The following CEP152 variants were observed in gnomAD, a reference collection of about 807,000 sequenced individuals.
CEP152 encodes the protein centrosomal protein of 152 kDa.
In CEP152, 132 loss-of-function variants were observed where a neutral mutation model predicts 188.9. That is an observed-to-expected ratio of 0.70 (90% CI 0.61 to 0.81). CEP152 has a LOEUF of 0.81. CEP152 is among the 30% of genes least tolerant of loss of function. CEP152 has a pLI of 0.00. For missense variants in CEP152, 1,914 were observed against 1,969.8 expected (o/e 0.97, Z 0.54); for synonymous variants, 649 against 666.6 (o/e 0.97, Z 0.41).
chr15:48,755,408 A>C (rs1466651554), intron 20 of CEP152, among the ~76,000 whole-genome samples: 7 of 152,152 alleles, frequency 4.6e-5, no homozygotes, highest in African/African-American at 1.7e-4. Flanking sequence ...AACTCTTATT[A>C]TGCATATTTC....
chr15:48,752,694 G>A (rs1384997932), intron 20 of CEP152, among the ~76,000 whole-genome samples: 3 of 152,134 alleles, frequency 2.0e-5, no homozygotes, highest in Non-Finnish European at 2.9e-5. Context: ...TCTGACAGGC[G>A]ACTGGTGGGC....
chr15:48,790,115 A>G (rs1896907343), intron 8 of CEP152, among the ~76,000 whole-genome samples: 1 of 152,238 alleles, frequency 6.6e-6, no homozygotes, highest in African/African-American at 2.4e-5. Context: ...AAATTTCAAG[A>G]GAATTATTCT....
At position 48,769,007 on chromosome 15, in the gene CEP152, A is replaced by G. The variant is rs1895331359; in HGVS notation, c.1857T>C (p.Asp619=). The G allele has an allele frequency of 6.3e-7, 1 of 1,592,532 alleles. No individual in the cohort carries two copies. Among genetic ancestry groups the G allele is most frequent in the African/African-American group, 1.3e-5 (1 of 74,454 alleles). The part of the protein sequence containing the change: ...PESSTSDVVR[D]DILLLKNEIQ... ...TTTCATTTTTAAGCAGCAGAATATC[A>G]TCTCTGACAACATCAGAAGTAGAAG... The change falls in exon 14 of 27, where the codon GAT becomes GAC. Residue 619 remains aspartate (D), a synonymous_variant. Coordinates refer to ENST00000380950, the MANE Select transcript of CEP152 (RefSeq NM_001194998.2).
intron 6 of CEP152, 73 bp downstream of exon 6, chr15:48,795,937 T>A: frequency 7.5e-7 from 1 of 1,338,318 alleles, no homozygotes; most frequent in Non-Finnish European, 1.1e-6. Context: ...TTGAATGTGC[T>A]CAAATATTCA....
rs762448733 is a variant in CEP152 at position 48,767,107 on chromosome 15, A to G, written c.2233T>C (p.Leu745=). 6.2e-7 allele frequency: 1 copy of G among 1,613,534 alleles called. No homozygotes were observed. Among genetic ancestry groups the G allele is most frequent in the Non-Finnish European group, 8.5e-7 (1 of 1,179,996 alleles). ...TTTTCAGTGGTCTTCCTGAGAGTCAATTCTAGATTATCCTTCTCTCTGCAC... is the reference window on the plus strand; with the variant it reads ...TTTTCAGTGGTCTTCCTGAGAGTCAGTTCTAGATTATCCTTCTCTCTGCAC... ...EVCREKDNLE[L]TLRKTTEKEQ... Residue 745 remains leucine, a synonymous_variant, in exon 17 of 27, where the codon TTG becomes CTG. Transcript: ENST00000380950.
intron 2 of CEP152, 102 bp downstream of exon 2, chr15:48,805,461 T>G (rs1897919493): frequency 7.0e-7 from 1 of 1,423,468 alleles, no homozygotes; most frequent in African/African-American, 1.5e-5. Context: ...AAAATCCAAA[T>G]CCCTTCAAAA....
chr15:48,754,470 A>G (rs963431064), intron 20 of CEP152, among the ~76,000 whole-genome samples: 7 of 152,210 alleles, frequency 4.6e-5, no homozygotes, highest in African/African-American at 1.7e-4. Context: ...TCATCTCCAA[A>G]TCTGCTATAA....
chr15:48,747,573 G>A (rs1380257582), intron 22 of CEP152, among the ~76,000 whole-genome samples: 1 of 152,172 alleles, frequency 6.6e-6, no homozygotes, highest in Admixed American at 6.5e-5. Context: ...TGCAGATAAA[G>A]CATCTTCTGA....
At chr15:48,802,680 C>A (rs1414167860) in intron 2 of CEP152, among the ~76,000 whole-genome samples, 1 of 151,932 alleles carries the variant, frequency 6.6e-6, no homozygotes, top group African/African-American at 2.4e-5. Flanking sequence ...GGCTTGAGAT[C>A]CACTGGTCTA....
intron 19 of CEP152, among the ~76,000 whole-genome samples, chr15:48,759,234 G>T (rs1894503537): frequency 2.0e-5 from 3 of 152,100 alleles, no homozygotes; most frequent in Admixed American, 2.0e-4. Flanking sequence ...TTATGGTACA[G>T]ATCTGAAATC....
chr15:48,767,239 T>A, intron 16 of CEP152, 47 bp from the exon 17 acceptor site: 1 of 1,613,770 alleles, frequency 6.2e-7, no homozygotes, highest in South Asian at 1.1e-5. Context: ...CACAAAAAAA[T>A]ACAAGAGCTG....
intron 2 of CEP152, chr15:48,729,172 G>A (rs1892342962): frequency 6.6e-6 from 1 of 152,152 alleles, no homozygotes; most frequent in Non-Finnish European, 1.5e-5. Flanking sequence ...CAGCTTGAAG[G>A]TGAACAGCAA....
rs775484003 is a variant in CEP152 at position 48,784,110 on chromosome 15, C to G, written c.1184G>C (p.Cys395Ser). Residue 395 changes from cysteine (C) to serine (S), a missense_variant, in exon 10 of 27, where the codon TGC becomes TCC. Coordinates refer to ENST00000380950, the MANE Select transcript of CEP152 (RefSeq NM_001194998.2). ...VTALKEQEDICSRLKDHVKQL... is the reference protein window; with the variant it reads ...VTALKEQEDISSRLKDHVKQL... ...TTTCACGTGATCTTTCAGACGAGAGCAAATGTCTTCCTAAATAGAAAAAAA... is the reference window on the plus strand; with the variant it reads ...TTTCACGTGATCTTTCAGACGAGAGGAAATGTCTTCCTAAATAGAAAAAAA... 3 of 1,612,876 alleles carry G rather than the reference C, an allele frequency of 1.9e-6. No individual in the cohort carries two copies. The Admixed American group carries it at 5.0e-5, about 27-fold the overall frequency.
intron 7 of CEP152, 40 bp from the exon 8 acceptor site, chr15:48,791,416 A>G: frequency 1.3e-6 from 2 of 1,571,564 alleles, no homozygotes; most frequent in Non-Finnish European, 1.7e-6. Flanking sequence ...ATGTTCCTGT[A>G]GAGGGACCCC....
intron 2 of CEP152, among the ~76,000 whole-genome samples, chr15:48,798,496 G>A (rs901436564): frequency 2.6e-5 from 4 of 151,950 alleles, no homozygotes; most frequent in Non-Finnish European, 5.9e-5. Context: ...GCCAGGTGAT[G>A]AGAACAGCAG....
Position 48,772,086 on chromosome 15 carries a change from A to G in CEP152, c.1782+401T>C, listed in dbSNP as rs58527379. 1.2e-3 allele frequency among the ~76,000 whole-genome samples: 177 copies of G among 152,154 alleles called. 2 individuals carry two copies. The highest frequency in any genetic ancestry group is 4.1e-3 in the African/African-American group (170 of 41,488). On this transcript the variant is annotated intron_variant, in intron 13 of 26. Coordinates refer to ENST00000380950, the MANE Select transcript of CEP152 (RefSeq NM_001194998.2). ...CTTTATTTCTAAAAATGTCAAATAAACTCCTGAAAGCCAAAGGTTTATTAA... is the reference window on the plus strand; with the variant it reads ...CTTTATTTCTAAAAATGTCAAATAAGCTCCTGAAAGCCAAAGGTTTATTAA...
Position 48,760,146 on chromosome 15 carries a change from C to T in CEP152, c.2683G>A (p.Val895Met), listed in dbSNP as rs1335074621. ...AGAAGAGCTCTTACCCTTTTGTTCA[C>T]AGAGACCTCATGCTGTTCTTCCCAC... ...KKWEEQHEVS[V>M]NKRISFAVSE... The change falls in exon 19 of 27, where the codon GTG (valine) becomes ATG (methionine). Residue 895 changes from valine to methionine, a missense_variant. Transcript: ENST00000380950. 6.2e-7 allele frequency: 1 copy of T among 1,613,974 alleles called. No homozygotes were observed. Among genetic ancestry groups the T allele is most frequent in the South Asian group, 1.1e-5 (1 of 91,076 alleles).
chr15:48,799,342 A>C (rs1039717914), intron 2 of CEP152, among the ~76,000 whole-genome samples: 4 of 152,214 alleles, frequency 2.6e-5, no homozygotes, highest in African/African-American at 9.6e-5. Flanking sequence ...ATTTTATGGA[A>C]GGTCTGAAAG....
chr15:48,766,168 C>A (rs1895073939), intron 17 of CEP152, among the ~76,000 whole-genome samples: 1 of 152,148 alleles, frequency 6.6e-6, no homozygotes, highest in Non-Finnish European at 1.5e-5. Context: ...ATCTATTCAA[C>A]AATAATCAAG....
Sources: gnomAD v4.1 joint callset for allele counts (sites outside exome capture counted in the v4.1 genomes callset) on GRCh38, gnomAD v4.1.1 for gene constraint, MANE v1.5 for transcripts, NCBI Gene and HGNC (gene_info 2026-07-23, HGNC 2026-07-21) for gene names.